The following SPAG6 variants were observed in gnomAD, a reference collection of about 807,000 sequenced individuals.
SPAG6 encodes the protein sperm-associated antigen 6.
A neutral mutation model predicts 58.5 loss-of-function variants in SPAG6; 49 were observed. The observed-to-expected ratio is 0.84, with a 90% CI of 0.67 to 1.06. The LOEUF is 1.06. Among genes scored for constraint, SPAG6 ranks in the 50% least tolerant of loss-of-function variants. SPAG6 has a pLI of 0.00. For missense variants in SPAG6, 560 were observed against 611.3 expected (o/e 0.92, Z 0.89); for synonymous variants, 233 against 225.6 (o/e 1.03, Z -0.29).
chr10:22,405,852 T>C (rs1834539946), intron 9 of SPAG6, among the ~76,000 whole-genome samples: 1 of 152,258 alleles, frequency 6.6e-6, no homozygotes, highest in Non-Finnish European at 1.5e-5. Context: ...AACTTCTTCC[T>C]GGTTTAGTGT....
At chr10:22,416,093 T>C (rs748479115) in intron 10 of SPAG6, among the ~76,000 whole-genome samples, 3 of 152,264 alleles carry the variant, frequency 2.0e-5, no homozygotes, top group South Asian at 4.1e-4. Flanking sequence ...CAATACTAAA[T>C]TATATTTTAT....
intron 4 of SPAG6, among the ~76,000 whole-genome samples, chr10:22,378,837 C>A (rs1193507801): frequency 6.6e-6 from 1 of 152,086 alleles, no homozygotes; most frequent in Non-Finnish European, 1.5e-5. Context: ...TTACTTGAGT[C>A]CTGTGAGAGC....
In SPAG6 at chr10:22,416,957, T is replaced by C; in HGVS notation, c.*269T>C. 3.5e-6 allele frequency: 1 copy of C among 288,398 alleles called. No homozygotes were observed. Among genetic ancestry groups the C allele is most frequent in the Non-Finnish European group, 6.7e-6 (1 of 150,110 alleles). 17.9% of individuals were successfully genotyped at this position (288,398 alleles called of 1,614,324 possible). A position where few individuals can be genotyped will look rare whatever the true frequency, so the allele number is the denominator to read the frequency against. On this transcript the variant is annotated 3_prime_UTR_variant, in exon 11 of 11. Coordinates refer to ENST00000376624, the MANE Select transcript of SPAG6 (RefSeq NM_012443.4). ...GGCCTTAAGGCATTTTGTTATTCTG[T>C]TAAAAACCACACACACTCGTACATG...
intron 9 of SPAG6, among the ~76,000 whole-genome samples, chr10:22,402,579 G>A (rs1350359721): frequency 6.6e-6 from 1 of 152,206 alleles, no homozygotes; most frequent in Non-Finnish European, 1.5e-5. Flanking sequence ...CATTGCTGAA[G>A]CCACTCACCC....
rs1452061299 is a variant in SPAG6 at position 22,345,548 on chromosome 10, T to C, written c.-64T>C. On this transcript the variant is annotated 5_prime_UTR_variant, in exon 1 of 11. Coordinates refer to ENST00000376624, the MANE Select transcript of SPAG6 (RefSeq NM_012443.4). This position sits in a 1 kb window ranked among gnomAD's most constrained non-coding sequence, Gnocchi z 6.3. ...GTCGTCGCCACGATCGCCCCCTTGGTGGACTCGCAGGCCGAGCGGCTTCCC... is the reference window on the plus strand; with the variant it reads ...GTCGTCGCCACGATCGCCCCCTTGGCGGACTCGCAGGCCGAGCGGCTTCCC... The C allele has an allele frequency of 3.6e-6, 5 of 1,407,082 alleles. No homozygotes were observed. The highest frequency in any genetic ancestry group is 1.5e-5 in the African/African-American group (1 of 68,462). The allele number at this position is 1,407,082 out of a possible 1,614,324, so 87.2% of individuals were successfully genotyped here. A position where few individuals can be genotyped will look rare whatever the true frequency, so the allele number is the denominator to read the frequency against.
intron 4 of SPAG6, 87 bp downstream of exon 4, chr10:22,368,765 CATAGG>C: frequency 2.0e-6 from 2 of 1,020,030 alleles, no homozygotes; most frequent in Non-Finnish European, 2.8e-6. Flanking sequence ...CTTAGTAAAA[CATAGG>C]TGGGGTTTTA....
chr10:22,360,603 C>A (rs1837007053), intron 2 of SPAG6, among the ~76,000 whole-genome samples: 1 of 151,982 alleles, frequency 6.6e-6, no homozygotes, highest in Non-Finnish European at 1.5e-5. Flanking sequence ...AATATTTTCA[C>A]ACAATTTAAT....
In SPAG6 at chr10:22,368,565, C is replaced by G. The variant is rs892770355; in HGVS notation, c.359C>G (p.Ala120Gly). 1 of 1,613,898 alleles carries G rather than the reference C, an allele frequency of 6.2e-7. No individual in the cohort carries two copies. The highest frequency in any genetic ancestry group is 8.5e-7 in the Non-Finnish European group (1 of 1,179,946). ...VGKHSPQLAQ[A>G]IVDCGALDTL... ...AAACATTCTCCCCAGCTAGCTCAGGCAATAGTCGATTGTGGAGCACTGGAT... is the reference window on the plus strand; with the variant it reads ...AAACATTCTCCCCAGCTAGCTCAGGGAATAGTCGATTGTGGAGCACTGGAT... Residue 120 changes from alanine to glycine, a missense_variant, in exon 4 of 11, where the codon GCA becomes GGA. Transcript: ENST00000376624.
At chr10:22,362,851 A>T (rs1837083264) in intron 2 of SPAG6, among the ~76,000 whole-genome samples, 1 of 152,122 alleles carries the variant, frequency 6.6e-6, no homozygotes, top group Admixed American at 6.5e-5. Context: ...CATTTCTTCA[A>T]AGAAGATGTA....
intron 9 of SPAG6, among the ~76,000 whole-genome samples, chr10:22,406,554 C>G (rs1227941750): frequency 1.3e-5 from 2 of 152,092 alleles, no homozygotes; most frequent in Non-Finnish European, 2.9e-5. Flanking sequence ...AGCTTTACTT[C>G]CAAGTATGTG....
chr10:22,413,088 A>AAAAAAAAAATAAAAAAAAAAAAAC (rs1834781269), intron 10 of SPAG6: 1 of 149,522 alleles, frequency 6.7e-6, no homozygotes, highest in African/African-American at 2.4e-5. Context: ...AAAAAAAAAA[A>AAAAAAAAAATAAAAAAAAAAAAAC]GAACTAAAGT....
chr10:22,410,949 C>G (rs1588566474), intron 9 of SPAG6, 82 bp from the exon 10 acceptor site: 4 of 1,385,422 alleles, frequency 2.9e-6, no homozygotes, highest in East Asian at 4.7e-5. Context: ...TTTACATTTT[C>G]TCACATACAG....
At chr10:22,402,225 C>T (rs1834431034) in intron 9 of SPAG6, among the ~76,000 whole-genome samples, 1 of 151,824 alleles carries the variant, frequency 6.6e-6, no homozygotes, top group Non-Finnish European at 1.5e-5. Context: ...ACAAAAACAA[C>T]CAAAGAGTTG....
intron 4 of SPAG6, among the ~76,000 whole-genome samples, chr10:22,386,154 C>A (rs1025186895): frequency 6.6e-6 from 1 of 151,980 alleles, no homozygotes; most frequent in Admixed American, 6.6e-5. Context: ...CATTTATATA[C>A]AAAAGTTTAT....
intron 9 of SPAG6, among the ~76,000 whole-genome samples, chr10:22,406,449 T>C (rs1394559239): frequency 2.6e-5 from 4 of 152,252 alleles, no homozygotes; most frequent in East Asian, 1.9e-4. Flanking sequence ...TGAGCGGTTT[T>C]GAGTAAGATT....
intron 2 of SPAG6, among the ~76,000 whole-genome samples, chr10:22,362,473 GC>G (rs1478883472): frequency 1.3e-5 from 2 of 151,934 alleles, no homozygotes; most frequent in Non-Finnish European, 2.9e-5. Flanking sequence ...AGGCACAGTG[GC>G]TCATGCCTGT....
At chr10:22,404,651 A>C (rs1276552626) in intron 9 of SPAG6, among the ~76,000 whole-genome samples, 18 of 132,058 alleles carry the variant, frequency 1.4e-4, no homozygotes, top group Admixed American at 6.4e-4. Context: ...ACTTTAAAGT[A>C]GTTTTTTCCA....
In SPAG6 at chr10:22,386,869, G is replaced by A. The variant is rs149424136; in HGVS notation, c.588G>A (p.Lys196=). 33 of 1,613,672 alleles carry A rather than the reference G, an allele frequency of 2.0e-5. No individual in the cohort carries two copies. In the African/African-American group the frequency reaches 4.1e-4, roughly 20 times the overall value. ...CTTCGGCCCTCAGTGATATTGCAAA[G>A]CATTCTCCAGAGTTAGCACAGACAG... The part of the protein sequence containing the change: ...IAASALSDIA[K]HSPELAQTVV... The change falls in exon 5 of 11, where the codon AAG becomes AAA. Residue 196 remains lysine (K), a synonymous_variant. Transcript: ENST00000376624.
At chr10:22,363,529 C>T (rs1837101511) in intron 2 of SPAG6, among the ~76,000 whole-genome samples, 1 of 152,162 alleles carries the variant, frequency 6.6e-6, no homozygotes, top group Non-Finnish European at 1.5e-5. Context: ...CCAACTTAGG[C>T]ACGAAACTAA....
Sources: allele counts gnomAD v4.1 joint callset (sites outside exome capture counted in the v4.1 genomes callset), GRCh38; gene constraint gnomAD v4.1.1; non-coding constraint Gnocchi (gnomAD v3.1); transcripts MANE v1.5; gene names NCBI Gene and HGNC (gene_info 2026-07-23, HGNC 2026-07-21).